The following FRS2 variants were observed in gnomAD, a reference collection of about 807,000 sequenced individuals.
The protein encoded by FRS2 is fibroblast growth factor receptor substrate 2.
In FRS2, 8 loss-of-function variants were observed where a neutral mutation model predicts 43.9. The ratio of observed to expected loss-of-function variants is 0.18; its 90% CI spans 0.11 to 0.33. FRS2 has a LOEUF of 0.33. Among genes scored for constraint, FRS2 ranks in the 10% least tolerant of loss-of-function variants. The pLI, the probability that FRS2 is intolerant of heterozygous loss-of-function variation, is 1.00. For synonymous variants in FRS2, 219 were observed against 220.3 expected (o/e 0.99, Z 0.05); for missense variants, 534 against 627.6 (o/e 0.85, Z 1.59).
At chr12:69,490,480 T>G (rs932794756) in intron 1 of FRS2, among the ~76,000 whole-genome samples, 1 of 151,340 alleles carries the variant, frequency 6.6e-6, no homozygotes, top group African/African-American at 2.4e-5. Flanking sequence ...GTTTTTGTCC[T>G]CCTTCTTCTC....
At position 69,542,460 on chromosome 12, in the gene FRS2, A is replaced by G. The variant is rs150753258; in HGVS notation, c.-122+10404A>G. Among the ~76,000 whole-genome samples, 926 of 152,366 alleles carry G rather than the reference A, an allele frequency of 6.1e-3. 8 individuals are homozygous for G. The highest frequency in any genetic ancestry group is 0.014 in the Middle Eastern group (4 of 294). The stretch of plus-strand genomic sequence containing the variant: ...TTTGTAAGTAATCTAGAGGTTATTT[A>G]AAGTATGCAGGAAAAAAGTATAAAG... On this transcript the variant is annotated intron_variant, in intron 3 of 8. Coordinates refer to ENST00000549921, the MANE Select transcript of FRS2 (RefSeq NM_001278356.2).
intron 8 of FRS2, among the ~76,000 whole-genome samples, chr12:69,573,022 C>A (rs502190): frequency 6.6e-6 from 1 of 152,058 alleles, no homozygotes; most frequent in Non-Finnish European, 1.5e-5. Flanking sequence ...TAGTAGAGAC[C>A]GGGTTTCACC....
chr12:69,478,078 G>A (rs1003552688), intron 1 of FRS2, among the ~76,000 whole-genome samples: 9 of 152,082 alleles, frequency 5.9e-5, no homozygotes, highest in African/African-American at 2.2e-4. Context: ...GATGGTTTTT[G>A]TTGGAACATA....
At chr12:69,474,853 A>G (rs891373719) in intron 1 of FRS2, among the ~76,000 whole-genome samples, 8 of 152,342 alleles carry the variant, frequency 5.3e-5, no homozygotes, top group Admixed American at 2.6e-4. Context: ...TGAATATTCA[A>G]AGATAATATT....
chr12:69,510,547 T>C (rs1434413429), intron 1 of FRS2, among the ~76,000 whole-genome samples: 2 of 152,170 alleles, frequency 1.3e-5, no homozygotes, highest in Non-Finnish European at 2.9e-5. Flanking sequence ...GCAAGCGTAT[T>C]GTCATTGTAC....
At chr12:69,543,986 A>G (rs1329700140) in intron 3 of FRS2, among the ~76,000 whole-genome samples, 3 of 151,400 alleles carry the variant, frequency 2.0e-5, no homozygotes, top group East Asian at 2.0e-4. Context: ...TTGTCAGGAT[A>G]AATTGTGAAC....
intron 1 of FRS2, among the ~76,000 whole-genome samples, chr12:69,529,435 C>T (rs989972513): frequency 2.0e-5 from 3 of 151,834 alleles, no homozygotes; most frequent in African/African-American, 7.3e-5. Flanking sequence ...ACCAGCCTGG[C>T]GAACATGGTG....
intron 1 of FRS2, among the ~76,000 whole-genome samples, chr12:69,486,658 A>G (rs1198822605): frequency 6.6e-6 from 1 of 152,244 alleles, no homozygotes; most frequent in African/African-American, 2.4e-5. Context: ...CTCTTGTGCC[A>G]GTTAGGTTGT....
chr12:69,492,553 T>G (rs1013652663), intron 1 of FRS2, among the ~76,000 whole-genome samples: 1 of 152,186 alleles, frequency 6.6e-6, no homozygotes, highest in African/African-American at 2.4e-5. Flanking sequence ...ATGTTAAGCA[T>G]AGTTTATTCC....
rs1874467637 is a variant in FRS2 at position 69,511,657 on chromosome 12, A to ATTTC, written c.-260-19206_-260-19205insTCTT. Reference sequence around the variant, plus strand: ...GGTCAGTCGTTGAGTTCTATGATCCATTACAAAGGAATGGTAAACTGCTCA... The same window carrying ATTTC: ...GGTCAGTCGTTGAGTTCTATGATCCATTTCTTACAAAGGAATGGTAAACTGCTCA... On this transcript the variant is annotated intron_variant, in intron 1 of 8. Coordinates refer to ENST00000549921, the MANE Select transcript of FRS2 (RefSeq NM_001278356.2). Among the ~76,000 whole-genome samples the ATTTC allele has an allele frequency of 2.6e-5, 4 of 152,164 alleles. No homozygotes were observed. The South Asian group carries it at 8.3e-4, about 32-fold the overall frequency.
At chr12:69,509,173 T>G (rs1353052640) in intron 1 of FRS2, among the ~76,000 whole-genome samples, 1 of 152,226 alleles carries the variant, frequency 6.6e-6, no homozygotes, top group Non-Finnish European at 1.5e-5. Flanking sequence ...AATTTTCCTC[T>G]TTTTCAGTAA....
chr12:69,563,624 A>T (rs1593061115), intron 4 of FRS2, among the ~76,000 whole-genome samples: 1 of 152,254 alleles, frequency 6.6e-6, no homozygotes, highest in East Asian at 1.9e-4. Context: ...AAACAGCATA[A>T]TCTTGCCTCT....
At chr12:69,507,583 A>G (rs755815967) in intron 1 of FRS2, among the ~76,000 whole-genome samples, 3 of 152,244 alleles carry the variant, frequency 2.0e-5, no homozygotes, top group Non-Finnish European at 4.4e-5. Context: ...AAAATTTAAT[A>G]GACTGTGATG....
At chr12:69,563,809 A>G (rs1880059138) in intron 4 of FRS2, among the ~76,000 whole-genome samples, 2 of 152,128 alleles carry the variant, frequency 1.3e-5, no homozygotes, top group African/African-American at 2.4e-5. Context: ...CCTCTTTTCT[A>G]TATTCGACCC....
rs376288869 is a variant in FRS2 at position 69,537,606 on chromosome 12, T to C, written c.-122+5550T>C. Among the ~76,000 whole-genome samples the C allele has an allele frequency of 3.8e-3, 584 of 152,280 alleles. 1 individual carries two copies. Among genetic ancestry groups the C allele is most frequent in the African/African-American group, 0.013 (553 of 41,562 alleles). On this transcript the variant is annotated intron_variant, in intron 3 of 8. Transcript: ENST00000549921. ...TTTGGCTGTGTTAAGCCTTTTTTTT[T>C]CCTTCCCATTTAGTGTTTTGCAGTT...
intron 1 of FRS2, among the ~76,000 whole-genome samples, chr12:69,514,788 C>T (rs1243154897): frequency 3.3e-5 from 5 of 151,376 alleles, no homozygotes; most frequent in African/African-American, 1.2e-4. Context: ...AGCTAAATCA[C>T]ACCACTGCAC....
intron 1 of FRS2, among the ~76,000 whole-genome samples, chr12:69,499,091 A>C (rs543403967): frequency 6.6e-6 from 1 of 152,314 alleles, no homozygotes; most frequent in South Asian, 2.1e-4. Context: ...TTATATTGGT[A>C]GAATTGGGGC....
chr12:69,574,822 C>T lies in FRS2; in HGVS notation c.1394C>T (p.Thr465Ile). The T allele has an allele frequency of 6.2e-7, 1 of 1,614,074 alleles. No individual in the cohort carries two copies. Among genetic ancestry groups the T allele is most frequent in the East Asian group, 2.2e-5 (1 of 44,884 alleles). ...TPTTPLPQTP[T>I]RRTELYAVID... Reference sequence around the variant, plus strand: ...ACAACTCCCCTTCCACAAACCCCTACCAGGCGCACAGAGCTGTATGCCGTG... The same window carrying T: ...ACAACTCCCCTTCCACAAACCCCTATCAGGCGCACAGAGCTGTATGCCGTG... The change falls in exon 9 of 9, where the codon ACC becomes ATC. Residue 465 changes from threonine to isoleucine, a missense_variant. By Grantham distance (89) the Thr-to-Ile change is moderately conservative. Coordinates refer to ENST00000549921, the MANE Select transcript of FRS2 (RefSeq NM_001278356.2).
At chr12:69,553,055 A>ATTTTTGTTTTTG (rs371855261) in intron 3 of FRS2, among the ~76,000 whole-genome samples, 3,878 of 151,762 alleles carry the variant, frequency 0.026, 162 homozygotes, top group African/African-American at 0.089. Flanking sequence ...ACTTAGAGCT[A>ATTTTTGTTTTTG]TTTTTGTTTT....
Sources: allele counts gnomAD v4.1 joint callset (sites outside exome capture counted in the v4.1 genomes callset), GRCh38; gene constraint gnomAD v4.1.1; transcripts MANE v1.5; gene names NCBI Gene and HGNC (gene_info 2026-07-23, HGNC 2026-07-21).